ZC3H12B: variants seen among roughly 807,000 people sequenced by gnomAD.
ZC3H12B encodes the protein zinc finger CCCH-type containing 12B.
In ZC3H12B, 7 loss-of-function variants were observed where a neutral mutation model predicts 43.9. The ratio of observed to expected loss-of-function variants is 0.16; its 90% confidence interval spans 0.09 to 0.30. The LOEUF is 0.30. Ranked by LOEUF, ZC3H12B falls within the 10% of genes least tolerant of loss-of-function variation. The probability of loss-of-function intolerance (pLI) is 1.00; values close to 1 mark genes in which losing one functional copy is unlikely to be tolerated. For synonymous variants in ZC3H12B, 222 were observed against 241.7 expected (o/e 0.92, Z 0.76); for missense variants, 475 against 670.2 (o/e 0.71, Z 3.22).
the ZC3H12B span, among the ~76,000 whole-genome samples, chrX:65,212,046 TATATA>T: frequency 6.3e-5 from 4 of 63,659 alleles, no homozygotes; most frequent in African/African-American, 2.6e-4. Flanking sequence ...TAATGTATAA[TATATA>T]ATATATATGT....
At chrX:65,123,498 T>C in the ZC3H12B span, among the ~76,000 whole-genome samples, 5 of 111,041 alleles carry the variant, frequency 4.5e-5, no homozygotes, top group East Asian at 1.1e-3. Flanking sequence ...ACCATGTTTT[T>C]TTTCTAGTTC....
chrX:65,405,206 A>C (rs1317388012), intron 3 of ZC3H12B, among the ~76,000 whole-genome samples: 1 of 111,925 alleles, frequency 8.9e-6, no homozygotes, highest in African/African-American at 3.2e-5. Flanking sequence ...ACTAAGAGGG[A>C]AGTTTATAGC....
chrX:65,286,781 CA>C, the ZC3H12B span, among the ~76,000 whole-genome samples: 1 of 109,328 alleles, frequency 9.1e-6, no homozygotes, highest in African/African-American at 3.3e-5. Context: ...ATGCTGCTCA[CA>C]AAAAAACTGT....
rs184770798 is a variant in ZC3H12B at position 65,375,124 on chromosome X, G to A, written n.295+6126G>A. ...AAAATAATCTGTGTTCTTGGGAAAGGGAGGGTACAGCGGTTGTGAAACCTT... is the reference window on the plus strand; with the variant it reads ...AAAATAATCTGTGTTCTTGGGAAAGAGAGGGTACAGCGGTTGTGAAACCTT... On this transcript the variant is annotated intron_variant and non_coding_transcript_variant, in intron 2 of 5. Transcript: ENST00000617377. Among the ~76,000 whole-genome samples the A allele has an allele frequency of 1.2e-3, 133 of 111,678 alleles. 1 individual carries two copies. Among genetic ancestry groups the A allele is most frequent in the Non-Finnish European group, 2.0e-3 (108 of 53,147 alleles).
the ZC3H12B span, among the ~76,000 whole-genome samples, chrX:65,295,068 A>C: frequency 8.9e-6 from 1 of 111,924 alleles, no homozygotes; most frequent in Admixed American, 9.5e-5. Flanking sequence ...ATTCATCAGC[A>C]CATGAAAATT....
At chrX:65,168,594 G>A in the ZC3H12B span, among the ~76,000 whole-genome samples, 1 of 110,691 alleles carries the variant, frequency 9.0e-6, no homozygotes, top group African/African-American at 3.3e-5. Flanking sequence ...TCTATTGTTT[G>A]GAACAGTTTC....
At chrX:65,199,520 G>T in the ZC3H12B span, among the ~76,000 whole-genome samples, 1 of 110,136 alleles carries the variant, frequency 9.1e-6, no homozygotes, top group Admixed American at 9.8e-5. Context: ...TGCCATGCTG[G>T]TTTGCTGCAC....
the ZC3H12B span, among the ~76,000 whole-genome samples, chrX:65,150,363 T>G: frequency 7.2e-5 from 8 of 110,829 alleles, no homozygotes; most frequent in African/African-American, 2.3e-4. Context: ...GACTGAATAT[T>G]TCAGTTTTTT....
chrX:65,396,180 C>T (rs1379861370), intron 2 of ZC3H12B, among the ~76,000 whole-genome samples: 1 of 111,727 alleles, frequency 9.0e-6, no homozygotes, highest in Non-Finnish European at 1.9e-5. Context: ...TCTCTATCTT[C>T]TTCAGTTCCA....
the ZC3H12B span, among the ~76,000 whole-genome samples, chrX:65,212,843 A>G: frequency 9.5e-6 from 1 of 104,994 alleles, no homozygotes; most frequent in Admixed American, 1.1e-4. Flanking sequence ...TCCAGCATCT[A>G]GCACAGTGCC....
At chrX:65,365,455 C>T (rs1038258008), upstream of ZC3H12B, among the ~76,000 whole-genome samples, 2 of 111,096 alleles carry the variant, frequency 1.8e-5, no homozygotes, top group African/African-American at 6.5e-5. Flanking sequence ...CTACTTCTAA[C>T]AACCCCACAA....
At chrX:65,152,069 A>T in the ZC3H12B span, among the ~76,000 whole-genome samples, 2 of 111,988 alleles carry the variant, frequency 1.8e-5, no homozygotes, top group South Asian at 3.8e-4. Context: ...TTAGGTATTG[A>T]TGGGATGTAT....
intron 3 of ZC3H12B, among the ~76,000 whole-genome samples, chrX:65,401,940 G>A (rs2066768029): frequency 8.9e-6 from 1 of 112,012 alleles, no homozygotes; most frequent in Non-Finnish European, 1.9e-5. Context: ...AGGGCCTTGA[G>A]CAAGCCTCTG....
intron 3 of ZC3H12B, among the ~76,000 whole-genome samples, chrX:65,434,970 C>A (rs1266713110): frequency 9.0e-6 from 1 of 111,496 alleles, no homozygotes; most frequent in Non-Finnish European, 1.9e-5. Context: ...AGAAGCTGTG[C>A]CCCAGCTTTA....
At chrX:65,398,782 A>G (rs2066731036) in intron 3 of ZC3H12B, 78 bp downstream of exon 5, 1 of 111,780 alleles carries the variant, frequency 8.9e-6, no homozygotes, top group Non-Finnish European at 1.9e-5. Flanking sequence ...AAAATGTACT[A>G]ATACTTATAG....
At chrX:65,183,029 C>CT in the ZC3H12B span, among the ~76,000 whole-genome samples, 1 of 111,757 alleles carries the variant, frequency 8.9e-6, no homozygotes, top group Non-Finnish European at 1.9e-5. Flanking sequence ...TCTCAAAGAA[C>CT]TTAAAACAGA....
At chrX:65,185,377 T>C in the ZC3H12B span, 8 of 112,191 alleles carry the variant, frequency 7.1e-5, no homozygotes, top group African/African-American at 2.6e-4. Flanking sequence ...ATATTGTTCT[T>C]GCAGCTTTCT....
chrX:65,313,136 C>A, the ZC3H12B span, among the ~76,000 whole-genome samples: 1 of 111,712 alleles, frequency 9.0e-6, no homozygotes, highest in East Asian at 2.8e-4. Context: ...CTCATCTTGG[C>A]GTCCCAAAGG....
the ZC3H12B span, among the ~76,000 whole-genome samples, chrX:65,120,069 G>C: frequency 3.6e-5 from 4 of 112,064 alleles, no homozygotes; most frequent in Admixed American, 3.8e-4. Context: ...ATAGTTTGAA[G>C]TCAGGTAGCG....
Sources: gnomAD v4.1 joint callset for allele counts (sites outside exome capture counted in the v4.1 genomes callset) on GRCh38, gnomAD v4.1.1 for gene constraint, MANE v1.5 for transcripts, NCBI Gene and HGNC (gene_info 2026-07-23, HGNC 2026-07-21) for gene names.